Variants in RGS6 observed in about 807,000 individuals in gnomAD.
RGS6 encodes regulator of G protein signaling 6, also known as regulator of G-protein signaling 6.
A neutral mutation model predicts 78.5 loss-of-function variants in RGS6; 30 were observed. The ratio of observed to expected loss-of-function variants is 0.38; its 90% CI spans 0.29 to 0.52. The LOEUF (loss-of-function observed/expected upper bound fraction) is 0.52. RGS6 is among the 20% of genes least tolerant of loss of function. The pLI, the probability that RGS6 is intolerant of heterozygous loss-of-function variation, is 0.85. For missense variants in RGS6, 495 were observed against 609.7 expected, an observed-to-expected ratio of 0.81 and a Z score of 1.98; for synonymous variants, 206 against 206.0, an observed-to-expected ratio of 1.00 and a Z score of 0.00.
Position 71,964,827 on chromosome 14 carries a change from G to C in RGS6, c.36G>C (p.Gly12=), listed in dbSNP as rs765503463. The C allele has an allele frequency of 6.2e-7, 1 of 1,613,636 alleles. No individual in the cohort carries two copies. Among genetic ancestry groups the C allele is most frequent in the Admixed American group, 1.7e-5 (1 of 59,986 alleles). ...AQGSGDQRAV[G]VADPEESSPN... Reference sequence around the variant, plus strand: ...GATCCGGGGATCAAAGAGCAGTGGGGGTTGCTGACCCAGAGGAGAGTTCTC... The same window carrying C: ...GATCCGGGGATCAAAGAGCAGTGGGCGTTGCTGACCCAGAGGAGAGTTCTC... Residue 12 remains glycine (G), a synonymous_variant, in exon 2 of 18, where the codon GGG becomes GGC. Transcript: ENST00000553525.
chr14:72,247,895 C>T (rs944983453), intron 2 of RGS6, among the ~76,000 whole-genome samples: 5 of 152,172 alleles, frequency 3.3e-5, no homozygotes, highest in African/African-American at 9.7e-5. Flanking sequence ...GACTTCCCAG[C>T]CTCCAGAACT....
chr14:72,581,763 A>G, the RGS6 span, among the ~76,000 whole-genome samples: 1 of 152,232 alleles, frequency 6.6e-6, no homozygotes, highest in African/African-American at 2.4e-5. Flanking sequence ...TGACCCCAAG[A>G]GCCTTCTCTC....
intron 2 of RGS6, among the ~76,000 whole-genome samples, chr14:72,128,598 A>G (rs1247356129): frequency 1.3e-5 from 2 of 152,080 alleles, no homozygotes; most frequent in Non-Finnish European, 2.9e-5. Context: ...AAAACATTAT[A>G]TACCCTTATG....
chr14:72,051,904 C>A (rs1267616991), intron 2 of RGS6, among the ~76,000 whole-genome samples: 1 of 152,116 alleles, frequency 6.6e-6, no homozygotes, highest in Non-Finnish European at 1.5e-5. Flanking sequence ...CTCCTTCCTG[C>A]AACCCTAATC....
intron 2 of RGS6, among the ~76,000 whole-genome samples, chr14:72,063,636 A>C (rs1314923247): frequency 6.6e-6 from 1 of 152,196 alleles, no homozygotes; most frequent in African/African-American, 2.4e-5. Flanking sequence ...GCTGATCATT[A>C]TTTAGTAGAG....
At chr14:71,969,654 T>C (rs2093695754) in intron 2 of RGS6, among the ~76,000 whole-genome samples, 1 of 152,238 alleles carries the variant, frequency 6.6e-6, no homozygotes, top group Admixed American at 6.5e-5. Context: ...AATTGTGAGA[T>C]ACTTCTAACA....
chr14:72,168,319 T>C (rs2153676705), intron 2 of RGS6, among the ~76,000 whole-genome samples: 1 of 152,158 alleles, frequency 6.6e-6, no homozygotes, highest in Admixed American at 6.5e-5. Flanking sequence ...GGTCTACCAT[T>C]AGGAATGTAG....
the RGS6 span, among the ~76,000 whole-genome samples, chr14:71,889,415 G>A: frequency 7.9e-5 from 12 of 152,264 alleles, no homozygotes; most frequent in East Asian, 1.9e-3. Flanking sequence ...ACTGAGAAAT[G>A]GAGTGTGGAT....
intron 3 of RGS6, among the ~76,000 whole-genome samples, chr14:72,448,955 C>T (rs1413245985): frequency 6.6e-6 from 1 of 152,078 alleles, no homozygotes; most frequent in East Asian, 1.9e-4. Flanking sequence ...AGATAACATG[C>T]GATAACAGGG....
chr14:72,604,158 CT>C, the RGS6 span, among the ~76,000 whole-genome samples: 3 of 152,152 alleles, frequency 2.0e-5, no homozygotes, highest in Non-Finnish European at 2.9e-5. Context: ...AAATGGCCCT[CT>C]GTGTGTCATG....
At chr14:72,516,027 C>T (rs2096938498) in intron 14 of RGS6, among the ~76,000 whole-genome samples, 1 of 152,238 alleles carries the variant, frequency 6.6e-6, no homozygotes, top group African/African-American at 2.4e-5. Context: ...CAGACGGCCT[C>T]CCTCTGTGAA....
At chr14:72,347,729 A>G (rs1445709884) in intron 2 of RGS6, among the ~76,000 whole-genome samples, 1 of 152,176 alleles carries the variant, frequency 6.6e-6, no homozygotes, top group African/African-American at 2.4e-5. Flanking sequence ...AAATGTTTTG[A>G]ATGTAAGGAG....
chr14:72,622,195 T>C, the RGS6 span, among the ~76,000 whole-genome samples: 1 of 152,148 alleles, frequency 6.6e-6, no homozygotes, highest in African/African-American at 2.4e-5. Flanking sequence ...GTAGCTTTCA[T>C]TGAATTCTCT....
chr14:71,931,244 G>A (rs2087836258), upstream of RGS6, among the ~76,000 whole-genome samples: 2 of 152,020 alleles, frequency 1.3e-5, no homozygotes, highest in African/African-American at 2.4e-5. Flanking sequence ...TTGGTTGCAG[G>A]TTTCCCCCCA....
intron 2 of RGS6, among the ~76,000 whole-genome samples, chr14:72,325,748 AAAAG>A (rs2073569562): frequency 6.6e-6 from 1 of 152,192 alleles, no homozygotes; most frequent in Non-Finnish European, 1.5e-5. Context: ...GTACTTCCCA[AAAAG>A]AAAGAAACAT....
At chr14:72,456,688 C>T (rs1010412803) in intron 4 of RGS6, among the ~76,000 whole-genome samples, 1 of 152,198 alleles carries the variant, frequency 6.6e-6, no homozygotes, top group African/African-American at 2.4e-5. Flanking sequence ...CACCTTCCTA[C>T]AGGATTTTGT....
At chr14:72,535,716 C>T (rs2097241578) in intron 15 of RGS6, among the ~76,000 whole-genome samples, 1 of 152,256 alleles carries the variant, frequency 6.6e-6, no homozygotes, top group African/African-American at 2.4e-5. Context: ...TTCCTCATCT[C>T]TAACCCCAGG....
At chr14:72,623,274 T>C in the RGS6 span, among the ~76,000 whole-genome samples, 2 of 152,164 alleles carry the variant, frequency 1.3e-5, no homozygotes, top group Non-Finnish European at 2.9e-5. Flanking sequence ...CCAATAAATA[T>C]TTTACACAGT....
At chr14:72,394,008 G>A (rs2090584160) in intron 3 of RGS6, among the ~76,000 whole-genome samples, 1 of 152,116 alleles carries the variant, frequency 6.6e-6, no homozygotes, top group Non-Finnish European at 1.5e-5. Context: ...GAGTGAGAGA[G>A]GGAGCATGTG....
Sources: gnomAD v4.1 joint callset for allele counts (sites outside exome capture counted in the v4.1 genomes callset) on GRCh38, gnomAD v4.1.1 for gene constraint, MANE v1.5 for transcripts, NCBI Gene and HGNC (gene_info 2026-07-23, HGNC 2026-07-21) for gene names.